The following SLC35F1 variants were observed in gnomAD, a reference collection of about 807,000 sequenced individuals.
The protein encoded by SLC35F1 is solute carrier family 35 member F1, also known as chromosome 6 open reading frame 169.
SLC35F1 carries 14 observed loss-of-function variants against 48.7 expected under a neutral mutation model. The observed-to-expected ratio is 0.29, with a 90% CI of 0.19 to 0.45. The LOEUF is 0.45. Ranked by LOEUF, SLC35F1 falls within the 20% of genes least tolerant of loss-of-function variation. The pLI is 1.00. For missense variants in SLC35F1, 404 were observed against 500.0 expected (o/e 0.81, Z 1.83); for synonymous variants, 190 against 202.2 (o/e 0.94, Z 0.51).
intron 1 of SLC35F1, among the ~76,000 whole-genome samples, chr6:117,912,438 G>A (rs778596199): frequency 2.6e-5 from 4 of 152,142 alleles, no homozygotes; most frequent in Non-Finnish European, 5.9e-5. Context: ...TGAACCAATG[G>A]ATATGACTGA....
chr6:117,914,201 A>G (rs1775800250), intron 1 of SLC35F1, among the ~76,000 whole-genome samples: 1 of 151,748 alleles, frequency 6.6e-6, no homozygotes, highest in African/African-American at 2.4e-5. Context: ...GAGAGTTTCT[A>G]TTAATTTAAA....
chr6:118,175,815 T>G, intron 2 of SLC35F1, among the ~76,000 whole-genome samples: 1 of 152,166 alleles, frequency 6.6e-6, no homozygotes, highest in East Asian at 1.9e-4. Flanking sequence ...GACCAGGCAC[T>G]TCTGCTCCAC....
At chr6:118,203,332 A>C (rs1774894367) in intron 2 of SLC35F1, among the ~76,000 whole-genome samples, 1 of 152,202 alleles carries the variant, frequency 6.6e-6, no homozygotes, top group Non-Finnish European at 1.5e-5. Context: ...TCTGCCATCA[A>C]AGGTCATCTG....
intron 2 of SLC35F1, among the ~76,000 whole-genome samples, chr6:118,165,257 G>C (rs1774300759): frequency 6.6e-6 from 1 of 152,198 alleles, no homozygotes; most frequent in African/African-American, 2.4e-5. Flanking sequence ...CCCCTTGTTT[G>C]TGTGTGTGTG....
intron 1 of SLC35F1, among the ~76,000 whole-genome samples, chr6:117,954,799 G>A (rs1449682086): frequency 6.6e-6 from 1 of 152,134 alleles, no homozygotes; most frequent in Non-Finnish European, 1.5e-5. Flanking sequence ...CACAGGCTGT[G>A]TCCTTTGGTT....
chr6:118,243,907 TA>T (rs1275268750), intron 3 of SLC35F1, among the ~76,000 whole-genome samples: 13 of 152,330 alleles, frequency 8.5e-5, no homozygotes, highest in Non-Finnish European at 1.5e-5. Flanking sequence ...TAAAGTACAT[TA>T]AAAGGCAAAG....
At chr6:117,986,661 A>G (rs1162077535) in intron 1 of SLC35F1, among the ~76,000 whole-genome samples, 1 of 151,994 alleles carries the variant, frequency 6.6e-6, no homozygotes, top group African/African-American at 2.4e-5. Context: ...CACATGCCTG[A>G]TTTTCCGTCT....
In SLC35F1 at chr6:118,120,610, A is replaced by T. The variant is rs1773540255; in HGVS notation, c.174-33835A>T. On this transcript the variant is annotated intron_variant, in intron 1 of 7. Coordinates refer to ENST00000360388, the MANE Select transcript of SLC35F1 (RefSeq NM_001029858.4). The stretch of plus-strand genomic sequence containing the variant: ...TGTTTTATGACTACATATAATTTCC[A>T]CCTTTTCTCAAGATAATTCAAAATA... Among the ~76,000 whole-genome samples the T allele has an allele frequency of 2.0e-5, 3 of 152,108 alleles. No homozygotes were observed. In the South Asian group the frequency reaches 6.2e-4, roughly 32 times the overall value.
chr6:118,279,308 G>T (rs1775953869), intron 6 of SLC35F1, among the ~76,000 whole-genome samples: 1 of 152,058 alleles, frequency 6.6e-6, no homozygotes, highest in Non-Finnish European at 1.5e-5. Flanking sequence ...AATAAAAAAT[G>T]GCCTCAAAGG....
In SLC35F1 at chr6:117,972,804, G is replaced by T. The variant is rs962446533; in HGVS notation, c.173+64905G>T. On this transcript the variant is annotated intron_variant, in intron 1 of 7. Transcript: ENST00000360388. ...TACAATTCAAGATGAAGTTTGGGTGGGGACACAGCCAAATCATATCAGCCA... is the reference window on the plus strand; with the variant it reads ...TACAATTCAAGATGAAGTTTGGGTGTGGACACAGCCAAATCATATCAGCCA... Among the ~76,000 whole-genome samples, 3 of 152,058 alleles carry T rather than the reference G, an allele frequency of 2.0e-5. No individual in the cohort carries two copies. The East Asian group carries it at 5.8e-4, about 29-fold the overall frequency.
intron 3 of SLC35F1, among the ~76,000 whole-genome samples, chr6:118,239,643 G>A (rs1476062413): frequency 6.6e-6 from 1 of 151,900 alleles, no homozygotes; most frequent in Non-Finnish European, 1.5e-5. Flanking sequence ...CAGGTAGTTA[G>A]TTCAAACCTA....
chr6:118,229,149 C>T (rs563358693), intron 2 of SLC35F1, among the ~76,000 whole-genome samples: 3 of 152,154 alleles, frequency 2.0e-5, no homozygotes, highest in African/African-American at 4.8e-5. Context: ...ACCACCCTCA[C>T]CCCACCCCAT....
intron 3 of SLC35F1, among the ~76,000 whole-genome samples, chr6:118,260,921 G>T (rs1775704174): frequency 6.6e-6 from 1 of 152,084 alleles, no homozygotes; most frequent in African/African-American, 2.4e-5. Flanking sequence ...ACTTGTGTCT[G>T]TCTCTCTAAT....
intron 1 of SLC35F1, among the ~76,000 whole-genome samples, chr6:118,051,542 T>C (rs1187858706): frequency 6.6e-6 from 1 of 152,212 alleles, no homozygotes; most frequent in Non-Finnish European, 1.5e-5. Flanking sequence ...TCACTTACTG[T>C]ATATTTGTCA....
intron 1 of SLC35F1, chr6:117,999,101 A>G (rs1777045866): frequency 7.1e-6 from 11 of 1,559,638 alleles, no homozygotes; most frequent in Non-Finnish European, 9.6e-6. Flanking sequence ...CCTGAGGAAC[A>G]TGCGCTTTGC....
intron 1 of SLC35F1, among the ~76,000 whole-genome samples, chr6:118,127,378 T>C (rs1257029817): frequency 1.3e-5 from 2 of 151,986 alleles, no homozygotes; most frequent in Non-Finnish European, 1.5e-5. Flanking sequence ...CTGGATTCGG[T>C]TTGCCAGTAT....
chr6:118,117,052 C>G (rs576470255), intron 1 of SLC35F1, among the ~76,000 whole-genome samples: 2 of 152,162 alleles, frequency 1.3e-5, no homozygotes, highest in Non-Finnish European at 2.9e-5. Context: ...TGTACATATA[C>G]AAACCCTGTA....
At chr6:118,092,896 A>G (rs1773095440) in intron 1 of SLC35F1, among the ~76,000 whole-genome samples, 1 of 152,164 alleles carries the variant, frequency 6.6e-6, no homozygotes, top group South Asian at 2.1e-4. Context: ...CTTGCTTTTG[A>G]TTTGACGGGC....
At chr6:118,096,536 G>C (rs890143065) in intron 1 of SLC35F1, among the ~76,000 whole-genome samples, 3 of 152,108 alleles carry the variant, frequency 2.0e-5, no homozygotes, top group African/African-American at 4.8e-5. Flanking sequence ...AGCAGTTCCT[G>C]GTCATCCAAG....
Sources: gnomAD v4.1 joint callset for allele counts (sites outside exome capture counted in the v4.1 genomes callset) on GRCh38, gnomAD v4.1.1 for gene constraint, MANE v1.5 for transcripts, NCBI Gene and HGNC (gene_info 2026-07-23, HGNC 2026-07-21) for gene names.